ACVR1B: variants seen among roughly 807,000 people sequenced by gnomAD.
The protein encoded by ACVR1B is activin A receptor type 1B, also known as activin receptor type-1B.
ACVR1B carries 15 observed loss-of-function variants against 55.6 expected under a neutral mutation model. The observed-to-expected ratio is 0.27, with a 90% confidence interval of 0.18 to 0.42. The LOEUF is 0.42. ACVR1B is among the 10% of genes least tolerant of loss of function. The pLI, the probability that ACVR1B is intolerant of heterozygous loss-of-function variation, is 1.00. For synonymous variants in ACVR1B, 247 were observed against 254.6 expected (o/e 0.97, Z 0.28); for missense variants, 359 against 670.1 (o/e 0.54, Z 5.13).
chr12:51,980,562 G>A (rs1941958857), intron 3 of ACVR1B, among the ~76,000 whole-genome samples: 1 of 152,164 alleles, frequency 6.6e-6, no homozygotes, highest in Non-Finnish European at 1.5e-5. Context: ...CAGCACATGA[G>A]CCCACACTTT....
rs145446764 is a variant in ACVR1B at position 51,992,242 on chromosome 12, G to A, written c.1392+249G>A. 2.0e-3 allele frequency: 1,063 copies of A among 540,510 alleles called. 2 individuals are homozygous for A. Among genetic ancestry groups the A allele is most frequent in the Admixed American group, 4.6e-3 (138 of 29,988 alleles). The allele number at this position is 540,510 out of a possible 1,614,324, so 33.5% of individuals were successfully genotyped here. A position where few individuals can be genotyped will look rare whatever the true frequency, so the allele number is the denominator to read the frequency against. On this transcript the variant is annotated intron_variant, in intron 8 of 8. Coordinates refer to ENST00000257963, the MANE Select transcript of ACVR1B (RefSeq NM_004302.5). ...GCTTTGGGCCTGGTGTGGTGGCATA[G>A]GCCTGTAATCGTAGCGCTTTGAGAG... is the stretch of plus-strand genomic sequence containing the variant.
chr12:51,985,870 T>C (rs1942066702), intron 6 of ACVR1B, among the ~76,000 whole-genome samples: 1 of 152,156 alleles, frequency 6.6e-6, no homozygotes, highest in South Asian at 2.1e-4. Context: ...GCAAATTGAC[T>C]TCATGAGTTG....
chr12:51,983,539 G>A (rs1942019903), intron 4 of ACVR1B, among the ~76,000 whole-genome samples: 1 of 152,190 alleles, frequency 6.6e-6, no homozygotes. Context: ...TCAGAGGGTC[G>A]CTGGGACACA....
In ACVR1B at chr12:51,996,931, TAGAA is replaced by T. The variant is rs1239854515; in HGVS notation, c.*2824_*2827del. The T allele has an allele frequency of 6.6e-6, 1 of 152,632 alleles. No homozygotes were observed. Among genetic ancestry groups the T allele is most frequent in the Non-Finnish European group, 1.5e-5 (1 of 68,044 alleles). 9.5% of individuals were successfully genotyped at this position (152,632 alleles called of 1,614,324 possible). A position where few individuals can be genotyped will look rare whatever the true frequency, so the allele number is the denominator to read the frequency against. On this transcript the variant is annotated 3_prime_UTR_variant, in exon 9 of 9. Transcript: ENST00000257963. ...TTCTGTTTGTTTTTGTACATTTTAT[TAGAA>T]AGGACTGTAAAATAGCCACTTAGAC...
chr12:51,954,526 C>T (rs894171520), intron 1 of ACVR1B, among the ~76,000 whole-genome samples: 8 of 152,290 alleles, frequency 5.3e-5, no homozygotes, highest in Admixed American at 3.3e-4. Flanking sequence ...ATTTTAAGTA[C>T]AGTGGAAGTG....
chr12:51,951,917 A>T, intron 1 of ACVR1B, 83 bp downstream of exon 1: 1 of 860,006 alleles, frequency 1.2e-6, no homozygotes, highest in Non-Finnish European at 1.5e-6. Flanking sequence ...GCTGGACTAC[A>T]GCGCGCCCCC....
intron 1 of ACVR1B, among the ~76,000 whole-genome samples, chr12:51,974,828 C>T (rs1359339334): frequency 2.0e-5 from 3 of 152,124 alleles, no homozygotes; most frequent in Non-Finnish European, 2.9e-5. Context: ...AAAAGCATTG[C>T]AGCAAAAGAA....
intron 1 of ACVR1B, among the ~76,000 whole-genome samples, chr12:51,967,036 C>T (rs1278560215): frequency 2.6e-5 from 4 of 151,362 alleles, no homozygotes; most frequent in African/African-American, 4.9e-5. Flanking sequence ...GTCAGGAGAT[C>T]GAGACCATCC....
intron 1 of ACVR1B, among the ~76,000 whole-genome samples, chr12:51,956,787 G>T (rs567145091): frequency 7.9e-5 from 12 of 151,532 alleles, no homozygotes; most frequent in Admixed American, 3.3e-4. Flanking sequence ...TTGAGACAGG[G>T]TCTTGCTCTG....
chr12:51,977,348 A>T (rs1220458259), intron 3 of ACVR1B, among the ~76,000 whole-genome samples: 4 of 152,146 alleles, frequency 2.6e-5, no homozygotes, highest in Non-Finnish European at 5.9e-5. Flanking sequence ...CCCAGGCAGG[A>T]GTGCAGTGGC....
intron 1 of ACVR1B, among the ~76,000 whole-genome samples, chr12:51,958,495 A>G (rs1941453735): frequency 6.6e-6 from 1 of 152,150 alleles, no homozygotes; most frequent in South Asian, 2.1e-4. Flanking sequence ...ATAAAAAATT[A>G]GCCGGGCATG....
At position 51,963,038 on chromosome 12, in the gene ACVR1B, GT is replaced by G. The variant is rs202216609; in HGVS notation, c.91+11213del. Among the ~76,000 whole-genome samples the G allele has an allele frequency of 7.3e-5, 11 of 151,354 alleles. No homozygotes were observed. In the South Asian group the frequency reaches 1.7e-3, roughly 23 times the overall value. On this transcript the variant is annotated intron_variant, in intron 1 of 8. Transcript: ENST00000257963. ...AGAAGATAGTTTGAAAAACACTGTA[GT>G]TTTTTTTTGTTTTTGTTATTGAGAT...
At chr12:51,985,087 A>G in intron 5 of ACVR1B, 105 bp from the exon 6 acceptor site, 1 of 1,204,126 alleles carries the variant, frequency 8.3e-7, no homozygotes, top group Non-Finnish European at 1.1e-6. Flanking sequence ...CTGGATTAGC[A>G]GGAGGCAAAG....
chr12:51,974,567 G>T (rs1231987645), intron 1 of ACVR1B, among the ~76,000 whole-genome samples: 1 of 152,070 alleles, frequency 6.6e-6, no homozygotes, highest in South Asian at 2.1e-4. Flanking sequence ...GCTATCCAGG[G>T]GCCTTTCAGG....
intron 1 of ACVR1B, among the ~76,000 whole-genome samples, chr12:51,966,279 C>T (rs1941639116): frequency 6.6e-6 from 1 of 152,100 alleles, no homozygotes; most frequent in Non-Finnish European, 1.5e-5. Context: ...CTTGGAGAGT[C>T]AACCCAAAAA....
At chr12:51,953,743 T>C (rs1388338841) in intron 1 of ACVR1B, among the ~76,000 whole-genome samples, 1 of 152,108 alleles carries the variant, frequency 6.6e-6, no homozygotes, top group Non-Finnish European at 1.5e-5. Context: ...TTTGATGTAG[T>C]GTTTGTGGGG....
rs1489384472 is a variant in ACVR1B at position 51,976,396 on chromosome 12, C to T, written c.401C>T (p.Pro134Leu). Residue 134 changes from proline (P) to leucine (L), a missense_variant, in exon 3 of 9, where the codon CCG becomes CTG. This residue lies in a region of ACVR1B where 133 missense variants were observed against 188.2 expected (regional missense o/e 0.71). Transcript: ENST00000257963. ...GAGCTGGTAGGCATCATCGCCGGCC[C>T]GGTGTTCCTCCTGTTCCTCATCATC... ...PVELVGIIAGPVFLLFLIIII... is the reference protein window; with the variant it reads ...PVELVGIIAGLVFLLFLIIII... 8 of 1,614,176 alleles carry T rather than the reference C, an allele frequency of 5.0e-6. No individual in the cohort carries two copies. Among genetic ancestry groups the T allele is most frequent in the Non-Finnish European group, 5.1e-6 (6 of 1,180,030 alleles).
chr12:51,993,719 A>G (rs1168813208), intron 8 of ACVR1B, among the ~76,000 whole-genome samples: 3 of 131,764 alleles, frequency 2.3e-5, no homozygotes, highest in African/African-American at 8.5e-5. Context: ...GTGAGCCAAG[A>G]TTGCGCCACT....
intron 7 of ACVR1B, among the ~76,000 whole-genome samples, chr12:51,990,225 G>A (rs927072011): frequency 6.6e-6 from 1 of 151,896 alleles, no homozygotes; most frequent in Non-Finnish European, 1.5e-5. Flanking sequence ...CCCGGCAGGT[G>A]GAAGTTGCAT....
Sources: allele counts gnomAD v4.1 joint callset (sites outside exome capture counted in the v4.1 genomes callset), GRCh38; gene constraint gnomAD v4.1.1; regional missense constraint gnomAD v4.1.1; transcripts MANE v1.5; gene names NCBI Gene and HGNC (gene_info 2026-07-23, HGNC 2026-07-21).